MYH13: variants seen among roughly 807,000 people sequenced by gnomAD.
MYH13 encodes the protein myosin heavy chain 13.
Under a neutral mutation model 232.1 loss-of-function variants are expected in MYH13, and 177 were observed. The ratio of observed to expected loss-of-function variants is 0.76; its 90% CI spans 0.67 to 0.86. The LOEUF (loss-of-function observed/expected upper bound fraction) is 0.86, where lower values mean the gene tolerates loss of function less well. Among genes scored for constraint, MYH13 ranks in the 40% least tolerant of loss-of-function variants. MYH13 has a pLI of 0.00. For synonymous variants in MYH13, 884 were observed against 923.5 expected, an observed-to-expected ratio of 0.96 and a Z score of 0.78; for missense variants, 2,246 against 2,405.9, an observed-to-expected ratio of 0.93 and a Z score of 1.39.
At chr17:10,343,711 G>T in intron 16 of MYH13, 89 bp downstream of exon 16, 1 of 1,365,846 alleles carries the variant, frequency 7.3e-7, no homozygotes, top group Non-Finnish European at 9.8e-7. Flanking sequence ...TGAAGCTCAT[G>T]TCTGATTACT....
In MYH13 at chr17:10,362,288, A is replaced by G; in HGVS notation, c.349-14T>C. 6.2e-7 allele frequency: 1 copy of G among 1,613,934 alleles called. No individual in the cohort carries two copies. Among genetic ancestry groups the G allele is most frequent in the Non-Finnish European group, 8.5e-7 (1 of 1,179,850 alleles). On this transcript the variant is annotated splice_polypyrimidine_tract_variant and intron_variant, in intron 4 of 40. Transcript: ENST00000252172. Reference sequence around the variant, plus strand: ...GCCTGAGTAGGTCTGGGAAGATCAGAACATTTATCATTTGGATCTCGTTTT... The same window carrying G: ...GCCTGAGTAGGTCTGGGAAGATCAGGACATTTATCATTTGGATCTCGTTTT...
In MYH13 at chr17:10,303,176, C is replaced by T. The variant is rs775862240; in HGVS notation, c.5667+20G>A. 3.3e-5 allele frequency: 53 copies of T among 1,609,522 alleles called. No homozygotes were observed. Among genetic ancestry groups the T allele is most frequent in the African/African-American group, 1.1e-4 (8 of 74,770 alleles). On this transcript the variant is annotated intron_variant, in intron 39 of 40. Transcript: ENST00000252172. ...GGGACTGTCTGTCTGTGGGCACTGC[C>T]GGGGACCTCCTGTGCTTACCGCCTC...
In MYH13 at chr17:10,309,555, CT is replaced by C; in HGVS notation, c.4931del (p.Gln1644ArgfsTer22). On this transcript the variant is annotated frameshift_variant, in exon 34 of 41. Transcript: ENST00000252172. LOFTEE classifies it high-confidence loss of function. Reference protein sequence around the residue: ...GHSNRQMAETQKHLRTVQGQL... With the variant: ...GHSNRQMAETXKHLRTVQGQL... ...GGCCCTGGACCGTGCGCAGATGCTT[CT>C]GGGTCTCTGCCATCTGGCGGTTGGA... 1 of 1,612,686 alleles carries C rather than the reference CT, an allele frequency of 6.2e-7. No homozygotes were observed. Among genetic ancestry groups the C allele is most frequent in the South Asian group, 1.1e-5 (1 of 90,832 alleles).
chr17:10,336,761 C>T (rs1433365384), intron 18 of MYH13, among the ~76,000 whole-genome samples: 1 of 152,126 alleles, frequency 6.6e-6, no homozygotes, highest in Non-Finnish European at 1.5e-5. Context: ...AATGCTGAAC[C>T]TGCTTGGCCT....
chr17:10,343,440 G>A (rs544412561), intron 16 of MYH13, among the ~76,000 whole-genome samples: 5 of 152,178 alleles, frequency 3.3e-5, no homozygotes, highest in South Asian at 4.1e-4. Flanking sequence ...TCAAGTGATC[G>A]GCCCCCGCCT....
At position 10,355,101 on chromosome 17, in the gene MYH13, G is replaced by A. The variant is rs768776843; in HGVS notation, c.785C>T (p.Ser262Leu). ...GGACTCACAAGTTTCGATGTCTGCC[G>A]ATGCCAGCTTTCCTGTGGCTCCAAA... is the stretch of plus-strand genomic sequence containing the variant. The part of the protein sequence containing the change: ...IHFGATGKLA[S>L]ADIETYLLEK... The change falls in exon 9 of 41, where the codon TCG (serine) becomes TTG (leucine). Residue 262 changes from serine (S) to leucine (L), a missense_variant. Coordinates refer to ENST00000252172, the MANE Select transcript of MYH13 (RefSeq NM_003802.3). 1.0e-5 allele frequency: 16 copies of A among 1,596,058 alleles called. No individual in the cohort carries two copies. In the Admixed American group the frequency reaches 2.5e-4, roughly 24 times the overall value.
chr17:10,322,164 G>A lies in MYH13; in HGVS notation c.2935-456C>T, dbSNP rs561131981. 4.6e-5 allele frequency among the ~76,000 whole-genome samples: 7 copies of A among 152,144 alleles called. No individual in the cohort carries two copies. The East Asian group carries it at 1.2e-3, about 25-fold the overall frequency. On this transcript the variant is annotated intron_variant, in intron 23 of 40. Transcript: ENST00000252172. ...TCCCAGCACTTTGGGAGGCCGAGGC[G>A]GACGGATCATGAGGTCAGGAGATCG...
At chr17:10,326,981 GTTTTTTTTTTTTTTTTTTTTTTTTT>G (rs61543278) in intron 22 of MYH13, among the ~76,000 whole-genome samples, 3 of 55,810 alleles carry the variant, frequency 5.4e-5, no homozygotes, top group African/African-American at 7.8e-5. Context: ...ATGCCTACTA[GTTTTTTTTTTTTTTTTTTTTTTTTT>G]TTTTTTTTTT....
chr17:10,329,390 A>G (rs1026272054), intron 21 of MYH13, among the ~76,000 whole-genome samples: 6 of 152,162 alleles, frequency 3.9e-5, no homozygotes, highest in African/African-American at 1.4e-4. Context: ...CCCATCAACT[A>G]TGTCCTACTT....
At chr17:10,350,954 G>A (rs1380021345) in intron 11 of MYH13, among the ~76,000 whole-genome samples, 1 of 151,948 alleles carries the variant, frequency 6.6e-6, no homozygotes, top group Non-Finnish European at 1.5e-5. Context: ...GGGCGCGGTG[G>A]CTCACGCCTG....
At chr17:10,360,255 A>ATTCTG in intron 5 of MYH13, 67 bp from the exon 6 acceptor site, 1 of 1,551,474 alleles carries the variant, frequency 6.4e-7, no homozygotes, top group Non-Finnish European at 8.8e-7. Flanking sequence ...ATAAAGTAAC[A>ATTCTG]TTGGGGGTGG....
intron 18 of MYH13, among the ~76,000 whole-genome samples, chr17:10,334,956 G>T (rs2071562046): frequency 6.6e-6 from 1 of 151,882 alleles, no homozygotes; most frequent in Non-Finnish European, 1.5e-5. Context: ...CTTAGCAATG[G>T]TCTAATTCGA....
At position 10,340,156 on chromosome 17, in the gene MYH13, T is replaced by G. The variant is rs1239762941; in HGVS notation, c.2050A>C (p.Thr684Pro). The G allele has an allele frequency of 3.7e-6, 6 of 1,612,924 alleles. No individual in the cohort carries two copies. The highest frequency in any genetic ancestry group is 5.1e-6 in the Non-Finnish European group (6 of 1,179,348). ...VRCLIPNETK[T>P]PGVMDHYLVM... ...AAGATCTGCTGGTACTCACCAGGAG[T>G]CTTGGTCTCATTGGGAATCAGACAT... Residue 684 changes from threonine (T) to proline (P), a missense_variant, in exon 18 of 41, where the codon ACT becomes CCT. By Grantham distance (38) the Thr-to-Pro change is conservative (BLOSUM62 -1). Coordinates refer to ENST00000252172, the MANE Select transcript of MYH13 (RefSeq NM_003802.3).
At chr17:10,323,349 C>T (rs1228807010) in intron 23 of MYH13, among the ~76,000 whole-genome samples, 1 of 152,150 alleles carries the variant, frequency 6.6e-6, no homozygotes, top group Non-Finnish European at 1.5e-5. Flanking sequence ...TCTGCCTGAC[C>T]CCTGTAGGCC....
intron 23 of MYH13, among the ~76,000 whole-genome samples, chr17:10,323,740 G>T (rs1597378076): frequency 7.9e-6 from 1 of 126,866 alleles, no homozygotes; most frequent in Admixed American, 9.5e-5. Context: ...ATCTGCCTGG[G>T]CAACAGAGCA....
chr17:10,354,481 A>G (rs905993947), intron 11 of MYH13, among the ~76,000 whole-genome samples, 199 bp downstream of exon 11: 6 of 152,172 alleles, frequency 3.9e-5, no homozygotes, highest in Non-Finnish European at 7.3e-5. Flanking sequence ...CTGGATTTCC[A>G]TTTTGGAATG....
chr17:10,306,669 C>T lies in MYH13; in HGVS notation c.5296-40G>A, dbSNP rs1450351667. ...AGGACACATCAGAGGCCCTGTCCGCCCATCCCTACCCAGAGCTTGCAGAAG... is the reference window on the plus strand; with the variant it reads ...AGGACACATCAGAGGCCCTGTCCGCTCATCCCTACCCAGAGCTTGCAGAAG... On this transcript the variant is annotated intron_variant, in intron 36 of 40. Transcript: ENST00000252172. This position sits in a 1 kb window ranked among gnomAD's most constrained non-coding sequence, Gnocchi z 4.3. The T allele has an allele frequency of 5.0e-6, 8 of 1,610,260 alleles. No homozygotes were observed. In the Admixed American group the frequency reaches 6.7e-5, roughly 13 times the overall value.
At chr17:10,334,468 C>T (rs10083847) in intron 18 of MYH13, among the ~76,000 whole-genome samples, 30,381 of 152,054 alleles carry the variant, frequency 0.2, 3,504 homozygotes, top group East Asian at 0.56. Context: ...TTTCATGTAA[C>T]GGTGGCCACC....
Position 10,301,449 on chromosome 17 carries a change from C to G in MYH13, c.5802+120G>C, listed in dbSNP as rs1906085929. 6 of 1,448,862 alleles carry G rather than the reference C, an allele frequency of 4.1e-6. No individual in the cohort carries two copies. The South Asian group carries it at 7.8e-5, about 19-fold the overall frequency. 89.8% of individuals were successfully genotyped at this position (1,448,862 alleles called of 1,614,324 possible). A position where few individuals can be genotyped will look rare whatever the true frequency, so the allele number is the denominator to read the frequency against. ...CTCAGGTACCTGCTCTTACCTGGTC[C>G]CCACATCTCAGGTACCTGCCCTTAT... On this transcript the variant is annotated intron_variant, in intron 40 of 40. Transcript: ENST00000252172.
Sources: gnomAD v4.1 joint callset for allele counts (sites outside exome capture counted in the v4.1 genomes callset) on GRCh38, gnomAD v4.1.1 for gene constraint, Gnocchi (gnomAD v3.1) non-coding constraint, MANE v1.5 for transcripts, NCBI Gene and HGNC (gene_info 2026-07-23, HGNC 2026-07-21) for gene names.